Variants in ATOSA observed in about 807,000 individuals in gnomAD.
ATOSA encodes atos homolog protein A.
the ATOSA span, among the ~76,000 whole-genome samples, chr15:52,591,371 C>G: frequency 6.6e-6 from 1 of 152,174 alleles, no homozygotes; most frequent in Non-Finnish European, 1.5e-5. Context: ...GCTGGGATTA[C>G]AGGCGTGTGC....
the ATOSA span, among the ~76,000 whole-genome samples, chr15:52,671,295 G>A: frequency 6.6e-6 from 1 of 152,120 alleles, no homozygotes; most frequent in Non-Finnish European, 1.5e-5. Context: ...ATAAAATTGT[G>A]ATAACAGCCT....
chr15:52,586,929 C>A, the ATOSA span: 1 of 758,626 alleles, frequency 1.3e-6, no homozygotes, highest in South Asian at 2.3e-5. Flanking sequence ...CTGTCATATG[C>A]TATTTTTCTT....
chr15:52,596,642 G>A, the ATOSA span, among the ~76,000 whole-genome samples: 1 of 152,202 alleles, frequency 6.6e-6, no homozygotes, highest in African/African-American at 2.4e-5. Context: ...AACTAGGCAT[G>A]GGGGTACTAT....
At chr15:52,672,432 C>T in the ATOSA span, among the ~76,000 whole-genome samples, 4 of 151,576 alleles carry the variant, frequency 2.6e-5, no homozygotes. Context: ...TAACTATTAA[C>T]AAATTGACTT....
chr15:52,684,538 A>G, the ATOSA span, among the ~76,000 whole-genome samples: 1 of 152,202 alleles, frequency 6.6e-6, no homozygotes, highest in Non-Finnish European at 1.5e-5. Flanking sequence ...TCCTGTTACT[A>G]AAGACAAACA....
At chr15:52,619,937 C>G in the ATOSA span, among the ~76,000 whole-genome samples, 3 of 151,872 alleles carry the variant, frequency 2.0e-5, no homozygotes, top group Admixed American at 6.6e-5. Context: ...CTATGAAGGA[C>G]AGATCACTGG....
the ATOSA span, among the ~76,000 whole-genome samples, chr15:52,603,839 A>AG: frequency 6.6e-6 from 1 of 152,178 alleles, no homozygotes; most frequent in African/African-American, 2.4e-5. Context: ...AAGAGTTGTG[A>AG]GGAGGGAGGG....
At chr15:52,650,533 C>A in the ATOSA span, among the ~76,000 whole-genome samples, 3 of 152,098 alleles carry the variant, frequency 2.0e-5, no homozygotes, top group Non-Finnish European at 4.4e-5. Context: ...TTACAAAGAT[C>A]AGCAAAGGGC....
chr15:52,637,300 G>A, the ATOSA span, among the ~76,000 whole-genome samples: 3 of 151,934 alleles, frequency 2.0e-5, no homozygotes, highest in Non-Finnish European at 4.4e-5. Flanking sequence ...TGGGGGGCAG[G>A]AGAAAAAGGG....
the ATOSA span, among the ~76,000 whole-genome samples, chr15:52,616,964 G>C: frequency 1.3e-5 from 2 of 152,150 alleles, no homozygotes; most frequent in Admixed American, 1.3e-4. Flanking sequence ...TGAGTGAATT[G>C]TTTGTAATCA....
the ATOSA span, among the ~76,000 whole-genome samples, chr15:52,665,497 A>G: frequency 1.3e-5 from 2 of 152,214 alleles, no homozygotes. Flanking sequence ...AGTGTCAAGT[A>G]GGGGAAATAC....
At chr15:52,613,693 A>G in the ATOSA span, 2 of 1,613,908 alleles carry the variant, frequency 1.2e-6, no homozygotes, top group Non-Finnish European at 1.7e-6. Flanking sequence ...TTGTCACTAC[A>G]TTCATGTTTG....
chr15:52,701,389 T>C, the ATOSA span, among the ~76,000 whole-genome samples: 13 of 152,262 alleles, frequency 8.5e-5, no homozygotes, highest in African/African-American at 2.9e-4. Flanking sequence ...CAATGAGCCA[T>C]AATGGTGCCA....
chr15:52,609,338 C>T, the ATOSA span: 2 of 1,613,940 alleles, frequency 1.2e-6, no homozygotes. Context: ...TTTTTGTCTT[C>T]ATATGAACTC....
At chr15:52,642,023 T>C in the ATOSA span, among the ~76,000 whole-genome samples, 1 of 152,226 alleles carries the variant, frequency 6.6e-6, no homozygotes, top group African/African-American at 2.4e-5. Context: ...TCTCACACAA[T>C]GAGAACTGTA....
At chr15:52,608,785 C>A in the ATOSA span, 1 of 1,604,280 alleles carries the variant, frequency 6.2e-7, no homozygotes, top group South Asian at 1.1e-5. Context: ...TGTCTTAGGC[C>A]TTTTTGAGTC....
chr15:52,633,354 G>T, the ATOSA span, among the ~76,000 whole-genome samples: 1 of 152,136 alleles, frequency 6.6e-6, no homozygotes, highest in Non-Finnish European at 1.5e-5. Context: ...ATATATAAAA[G>T]AACTGTTTTC....
the ATOSA span, among the ~76,000 whole-genome samples, chr15:52,625,069 G>C: frequency 6.6e-6 from 1 of 152,058 alleles, no homozygotes; most frequent in South Asian, 2.1e-4. Flanking sequence ...ATGAGCCACT[G>C]TGCCTGGCCA....
chr15:52,642,756 C>T, the ATOSA span, among the ~76,000 whole-genome samples: 1 of 152,156 alleles, frequency 6.6e-6, no homozygotes, highest in Non-Finnish European at 1.5e-5. Flanking sequence ...CCCAGACAGG[C>T]CAGAACGCTG....
Sources: gnomAD v4.1 joint callset for allele counts (sites outside exome capture counted in the v4.1 genomes callset) on GRCh38, gnomAD v4.1.1 for gene constraint, MANE v1.5 for transcripts, NCBI Gene and HGNC (gene_info 2026-07-23, HGNC 2026-07-21) for gene names.